Variants in GRIA1 observed in about 807,000 individuals in gnomAD.
The protein encoded by GRIA1 is glutamate receptor 1.
Under a neutral mutation model 99.2 loss-of-function variants are expected in GRIA1, and 31 were observed. The observed-to-expected ratio is 0.31, with a 90% confidence interval of 0.23 to 0.42. GRIA1 has a LOEUF of 0.42. GRIA1 is among the 10% of genes least tolerant of loss of function. The pLI, the probability that GRIA1 is intolerant of heterozygous loss-of-function variation, is 1.00. For synonymous variants in GRIA1, 438 were observed against 432.4 expected (o/e 1.01, Z -0.16); for missense variants, 782 against 1,157.5 (o/e 0.68, Z 4.71).
At chr5:153,792,269 T>C (rs1365798425) in intron 13 of GRIA1, among the ~76,000 whole-genome samples, 2 of 152,232 alleles carry the variant, frequency 1.3e-5, no homozygotes, top group African/African-American at 2.4e-5. Flanking sequence ...AGATGCTCTG[T>C]GAGGACCGTC....
At chr5:153,540,467 T>A (rs1033010120) in intron 2 of GRIA1, among the ~76,000 whole-genome samples, 1 of 152,218 alleles carries the variant, frequency 6.6e-6, no homozygotes, top group African/African-American at 2.4e-5. Context: ...AGTCTCAACC[T>A]GAACTTCATG....
chr5:153,532,221 G>C (rs1055821920), intron 2 of GRIA1, among the ~76,000 whole-genome samples: 2 of 152,080 alleles, frequency 1.3e-5, no homozygotes, highest in Non-Finnish European at 1.5e-5. Context: ...TGAGTATCTT[G>C]TTCCTGTGAG....
intron 11 of GRIA1, among the ~76,000 whole-genome samples, chr5:153,718,026 A>G (rs76017418): frequency 0.025 from 3,846 of 152,308 alleles, 67 homozygotes; most frequent in African/African-American, 0.06. Context: ...GCTATTGCAG[A>G]CATGTATTTC....
chr5:153,789,444 C>T (rs1476531061), intron 13 of GRIA1, among the ~76,000 whole-genome samples: 1 of 151,806 alleles, frequency 6.6e-6, no homozygotes, highest in Non-Finnish European at 1.5e-5. Flanking sequence ...AAAACAATTT[C>T]CAAGTCATTT....
chr5:153,518,044 C>T (rs1756792355), intron 2 of GRIA1, among the ~76,000 whole-genome samples: 2 of 152,202 alleles, frequency 1.3e-5, no homozygotes, highest in South Asian at 4.1e-4. Context: ...TGGCTGTTCC[C>T]TTTGCCTGGG....
intron 2 of GRIA1, among the ~76,000 whole-genome samples, chr5:153,604,600 G>T (rs1341594862): frequency 6.6e-6 from 1 of 152,076 alleles, no homozygotes; most frequent in Non-Finnish European, 1.5e-5. Flanking sequence ...TCTATACACT[G>T]TCTCTCCAAA....
chr5:153,790,142 G>A (rs968483420), intron 13 of GRIA1, among the ~76,000 whole-genome samples: 3 of 152,234 alleles, frequency 2.0e-5, no homozygotes, highest in East Asian at 3.9e-4. Context: ...GATGGCAAGT[G>A]GAAAATCTGA....
intron 2 of GRIA1, among the ~76,000 whole-genome samples, chr5:153,531,995 A>G (rs1758136780): frequency 6.6e-6 from 1 of 152,166 alleles, no homozygotes; most frequent in Non-Finnish European, 1.5e-5. Context: ...TCTCTAGGGA[A>G]ACTTAATGAT....
chr5:153,573,184 T>C (rs1252066409), intron 2 of GRIA1: 2 of 152,228 alleles, frequency 1.3e-5, no homozygotes, highest in African/African-American at 2.4e-5. Context: ...TCTTATTTTA[T>C]ACAGGAAGAA....
At chr5:153,663,460 C>A (rs1289123189) in intron 5 of GRIA1, among the ~76,000 whole-genome samples, 1 of 152,208 alleles carries the variant, frequency 6.6e-6, no homozygotes, top group Non-Finnish European at 1.5e-5. Context: ...TCTGGCTCAG[C>A]TACTTACTAG....
intron 2 of GRIA1, among the ~76,000 whole-genome samples, chr5:153,631,587 G>C (rs1292439673): frequency 6.6e-6 from 1 of 152,106 alleles, no homozygotes; most frequent in Non-Finnish European, 1.5e-5. Flanking sequence ...ACGACTCTAA[G>C]GTTGGGGAAA....
At chr5:153,505,639 TG>T (rs1408198842) in intron 2 of GRIA1, among the ~76,000 whole-genome samples, 1 of 152,240 alleles carries the variant, frequency 6.6e-6, no homozygotes, top group Non-Finnish European at 1.5e-5. Flanking sequence ...GGAAATGGTT[TG>T]TTTTGCAGCA....
At chr5:153,656,089 G>C (rs1286229246) in intron 5 of GRIA1, among the ~76,000 whole-genome samples, 2 of 152,112 alleles carry the variant, frequency 1.3e-5, no homozygotes, top group African/African-American at 2.4e-5. Flanking sequence ...CCTTGGAAGA[G>C]AGCATACTGG....
At chr5:153,767,445 C>T (rs568678667) in intron 12 of GRIA1, among the ~76,000 whole-genome samples, 1 of 152,346 alleles carries the variant, frequency 6.6e-6, no homozygotes, top group South Asian at 2.1e-4. Context: ...CACTAACAAA[C>T]TGCATGACAT....
chr5:153,562,625 G>A (rs890343873), intron 2 of GRIA1, among the ~76,000 whole-genome samples: 2 of 152,152 alleles, frequency 1.3e-5, no homozygotes, highest in African/African-American at 4.8e-5. Flanking sequence ...TGCGATTACT[G>A]AAGGCAAAGA....
intron 2 of GRIA1, among the ~76,000 whole-genome samples, chr5:153,578,451 C>G (rs1216250161): frequency 2.0e-5 from 3 of 152,004 alleles, no homozygotes; most frequent in African/African-American, 4.8e-5. Context: ...ATGTTTATGG[C>G]AAGGGAGAGA....
chr5:153,503,929 C>T lies in GRIA1; in HGVS notation c.220+9864C>T, dbSNP rs188804976. Among the ~76,000 whole-genome samples the T allele has an allele frequency of 2.2e-3, 332 of 152,296 alleles. 3 individuals carry two copies. Among genetic ancestry groups the T allele is most frequent in the Non-Finnish European group, 2.4e-3 (161 of 68,032 alleles). The stretch of plus-strand genomic sequence containing the variant: ...TTTTTATGCTTAGCTTTTCTCTAAA[C>T]TGGCTTTACTCTCAGGCATAGATAT... On this transcript the variant is annotated intron_variant, in intron 2 of 15. Transcript: ENST00000285900.
At chr5:153,691,518 A>C (rs974252315) in intron 8 of GRIA1, among the ~76,000 whole-genome samples, 23 of 152,160 alleles carry the variant, frequency 1.5e-4, no homozygotes, top group Non-Finnish European at 1.8e-4. Context: ...GTATAACTAG[A>C]ATGAAAAGAC....
chr5:153,652,419 A>AC (rs767720294), intron 4 of GRIA1, among the ~76,000 whole-genome samples: 1 of 152,196 alleles, frequency 6.6e-6, no homozygotes, highest in Non-Finnish European at 1.5e-5. Context: ...TCAACTTTGT[A>AC]AAACAGCTTT....
Sources: allele counts gnomAD v4.1 joint callset (sites outside exome capture counted in the v4.1 genomes callset), GRCh38; gene constraint gnomAD v4.1.1; transcripts MANE v1.5; gene names NCBI Gene and HGNC (gene_info 2026-07-23, HGNC 2026-07-21).